WLS: variants seen among roughly 807,000 people sequenced by gnomAD.
The protein encoded by WLS is protein wntless homolog.
WLS carries 23 observed loss-of-function variants against 62.8 expected under a neutral mutation model. That is an observed-to-expected ratio of 0.37 (90% CI 0.26 to 0.52). The LOEUF (loss-of-function observed/expected upper bound fraction) is 0.52, where lower values mean the gene tolerates loss of function less well. Ranked by LOEUF, WLS falls within the 20% of genes least tolerant of loss-of-function variation. WLS has a pLI of 0.92. For missense variants in WLS, 615 were observed against 697.3 expected, an observed-to-expected ratio of 0.88 and a Z score of 1.33; for synonymous variants, 246 against 244.1, an observed-to-expected ratio of 1.01 and a Z score of -0.07.
At chr1:68,212,520 A>G (rs1649556945) in intron 1 of WLS, among the ~76,000 whole-genome samples, 1 of 152,198 alleles carries the variant, frequency 6.6e-6, no homozygotes, top group African/African-American at 2.4e-5. Context: ...AAGTTAGATG[A>G]AGATTTTAGT....
chr1:68,132,508 A>G (rs1244867653), intron 11 of WLS, among the ~76,000 whole-genome samples: 1 of 152,336 alleles, frequency 6.6e-6, no homozygotes, highest in South Asian at 2.1e-4. Context: ...CATCTTTCCT[A>G]TGAAACAAGG....
Position 68,144,615 on chromosome 1 carries a change from G to A in WLS, c.1316C>T (p.Thr439Ile). 6.2e-7 allele frequency: 1 copy of A among 1,613,762 alleles called. No individual in the cohort carries two copies. The highest frequency in any genetic ancestry group is 8.5e-7 in the Non-Finnish European group (1 of 1,179,756). Reference sequence around the variant, plus strand: ...GACAGTCATGGCAGCGCAGGCCAAGGTGATAAGCATGAGGAACTTGAACCT... The same window carrying A: ...GACAGTCATGGCAGCGCAGGCCAAGATGATAAGCATGAGGAACTTGAACCT... ...IFRFKFLMLITLACAAMTVIF... is the reference protein window; with the variant it reads ...IFRFKFLMLIILACAAMTVIF... The change falls in exon 10 of 12, where the codon ACC (threonine) becomes ATC (isoleucine). Residue 439 changes from threonine (T) to isoleucine (I), a missense_variant. Coordinates refer to ENST00000262348, the MANE Select transcript of WLS (RefSeq NM_024911.7).
Position 68,232,452 on chromosome 1 carries a change from A to G in WLS, c.-153T>C, listed in dbSNP as rs1464256233. Reference sequence around the variant, plus strand: ...GGAGCGCGGCGAGGATGGGACCGGGACGGAAGGCGCCCGCACGGATTCCCC... The same window carrying G: ...GGAGCGCGGCGAGGATGGGACCGGGGCGGAAGGCGCCCGCACGGATTCCCC... On this transcript the variant is annotated 5_prime_UTR_variant, in exon 1 of 12. Transcript: ENST00000262348. 3 of 1,391,272 alleles carry G rather than the reference A, an allele frequency of 2.2e-6. No homozygotes were observed. The highest frequency in any genetic ancestry group is 1.9e-6 in the Non-Finnish European group (2 of 1,070,550). The allele number at this position is 1,391,272 out of a possible 1,614,324, so 86.2% of individuals were successfully genotyped here. A position where few individuals can be genotyped will look rare whatever the true frequency, so the allele number is the denominator to read the frequency against.
chr1:68,146,265 A>G (rs1646751551), intron 8 of WLS, among the ~76,000 whole-genome samples: 1 of 152,246 alleles, frequency 6.6e-6, no homozygotes, highest in South Asian at 2.1e-4. Flanking sequence ...CTTGCTTGTT[A>G]GAAATGAAGA....
intron 2 of WLS, among the ~76,000 whole-genome samples, chr1:68,190,016 A>G (rs12145412): frequency 0.073 from 11,112 of 152,036 alleles, 414 homozygotes; most frequent in East Asian, 0.13. Flanking sequence ...CTCAAAAAAA[A>G]TAAATAAAAA....
At chr1:68,222,380 T>C (rs1649976116) in intron 1 of WLS, among the ~76,000 whole-genome samples, 1 of 152,202 alleles carries the variant, frequency 6.6e-6, no homozygotes, top group Admixed American at 6.5e-5. Flanking sequence ...ATAATTCTGT[T>C]GTTCCATAAG....
chr1:68,192,767 T>TAA (rs1557510411), intron 2 of WLS, among the ~76,000 whole-genome samples: 3 of 107,816 alleles, frequency 2.8e-5, no homozygotes, highest in Non-Finnish European at 5.4e-5. Context: ...ACTCTGTCTC[T>TAA]TAAAAAAAAA....
intron 1 of WLS, among the ~76,000 whole-genome samples, chr1:68,198,176 C>G (rs912987584): frequency 4.2e-4 from 64 of 152,282 alleles, no homozygotes; most frequent in African/African-American, 1.4e-3. Context: ...TACTTCTACA[C>G]CAGACCAATT....
intron 1 of WLS, among the ~76,000 whole-genome samples, chr1:68,228,842 C>CAAAAAAAAAAAAAAAAAAAA (rs66626696): frequency 6.2e-4 from 36 of 58,030 alleles, no homozygotes; most frequent in East Asian, 1.7e-3. Flanking sequence ...ACACTGGTGC[C>CAAAAAAAAAAAAAAAAAAAA]AAAAAAAAAA....
At chr1:68,204,834 A>G (rs1189508410) in intron 1 of WLS, among the ~76,000 whole-genome samples, 1 of 152,084 alleles carries the variant, frequency 6.6e-6, no homozygotes, top group Non-Finnish European at 1.5e-5. Flanking sequence ...CTATGTCTTT[A>G]TTATAGCATT....
At chr1:68,181,389 C>G (rs4655785) in intron 2 of WLS, among the ~76,000 whole-genome samples, 33,041 of 152,134 alleles carry the variant, frequency 0.22, 3,715 homozygotes, top group East Asian at 0.37. Context: ...AGAGAATATC[C>G]TCATTTATAT....
chr1:68,155,386 A>C (rs1646882571), intron 3 of WLS, 126 bp from the exon 4 acceptor site: 1 of 1,194,672 alleles, frequency 8.4e-7, no homozygotes, highest in South Asian at 1.8e-5. Context: ...CTTTAGACGT[A>C]CAGAGTAACA....
At chr1:68,143,419 C>T (rs779551063) in intron 10 of WLS, among the ~76,000 whole-genome samples, 15 of 152,206 alleles carry the variant, frequency 9.9e-5, no homozygotes, top group Admixed American at 2.0e-4. Context: ...TTACAATGTG[C>T]CAGGTGCTCT....
At chr1:68,146,056 A>G in intron 8 of WLS, 44 bp from the exon 9 acceptor site, 1 of 1,605,388 alleles carries the variant, frequency 6.2e-7, no homozygotes, top group Non-Finnish European at 8.5e-7. Flanking sequence ...GCCAAGGCCA[A>G]GTTGAGCCGG....
rs1470629139 is a variant in WLS at position 68,155,145 on chromosome 1, T to G, written c.620A>C (p.Lys207Thr). ...LNIRLPVNEK[K>T]KINVGIGEIK... ...CTCCCCAATTCCCACATTGATTTTC[T>G]TCTTCTCATTCACAGGCAGCCGGAT... Residue 207 changes from lysine to threonine, a missense_variant, in exon 4 of 12, where the codon AAG (lysine) becomes ACG (threonine). Coordinates refer to ENST00000262348, the MANE Select transcript of WLS (RefSeq NM_024911.7). The G allele has an allele frequency of 1.9e-6, 3 of 1,613,988 alleles. No homozygotes were observed. The highest frequency in any genetic ancestry group is 2.5e-6 in the Non-Finnish European group (3 of 1,179,994).
intron 2 of WLS, among the ~76,000 whole-genome samples, chr1:68,179,115 T>C (rs978041035): frequency 1.3e-5 from 2 of 152,214 alleles, no homozygotes; most frequent in Admixed American, 6.5e-5. Context: ...AATTCACTCA[T>C]TTCAACACTA....
intron 11 of WLS, among the ~76,000 whole-genome samples, chr1:68,131,391 A>G (rs1351392040): frequency 1.3e-5 from 2 of 151,732 alleles, no homozygotes; most frequent in Admixed American, 6.6e-5. Flanking sequence ...TTAGGAAAAC[A>G]CCCTCAGTTA....
chr1:68,189,427 ATTG>A lies in WLS; in HGVS notation c.379+4525_379+4527del, dbSNP rs140772040. Reference sequence around the variant, plus strand: ...TATATTTTTTCTTTCATTATTAATTATTGTTGTTATCTTTTACTGCACCTAATT... The same window carrying A: ...TATATTTTTTCTTTCATTATTAATTATTGTTATCTTTTACTGCACCTAATT... On this transcript the variant is annotated intron_variant, in intron 2 of 11. Transcript: ENST00000262348. Among the ~76,000 whole-genome samples the A allele has an allele frequency of 2.4e-3, 369 of 152,236 alleles. 4 individuals carry two copies. The highest frequency in any genetic ancestry group is 7.8e-3 in the African/African-American group (323 of 41,524).
At chr1:68,216,953 C>T (rs1000266779) in intron 1 of WLS, among the ~76,000 whole-genome samples, 10 of 152,152 alleles carry the variant, frequency 6.6e-5, no homozygotes, top group African/African-American at 2.4e-4. Context: ...GCGTTTATAC[C>T]ATGGACTTAA....
Sources: allele counts gnomAD v4.1 joint callset (sites outside exome capture counted in the v4.1 genomes callset), GRCh38; gene constraint gnomAD v4.1.1; transcripts MANE v1.5; gene names NCBI Gene and HGNC (gene_info 2026-07-23, HGNC 2026-07-21).